Variants in GOLGA2 observed in about 807,000 individuals in gnomAD.
GOLGA2 encodes golgin A2, also known as golgin subfamily A member 2.
A neutral mutation model predicts 148.8 loss-of-function variants in GOLGA2; 49 were observed. The observed-to-expected ratio is 0.33, with a 90% CI of 0.26 to 0.42. The LOEUF (loss-of-function observed/expected upper bound fraction) is 0.42, where lower values mean the gene tolerates loss of function less well. Among genes scored for constraint, GOLGA2 ranks in the 10% least tolerant of loss-of-function variants. The probability of loss-of-function intolerance (pLI) is 1.00; values close to 1 mark genes in which losing one functional copy is unlikely to be tolerated. For missense variants in GOLGA2, 1,178 were observed against 1,304.6 expected (o/e 0.90, Z 1.49); for synonymous variants, 501 against 511.8 (o/e 0.98, Z 0.28).
At chr9:128,270,821 G>T (rs1054241368) in intron 3 of GOLGA2, among the ~76,000 whole-genome samples, 3 of 152,116 alleles carry the variant, frequency 2.0e-5, no homozygotes, top group Admixed American at 6.6e-5. Context: ...CAAGGCAGGT[G>T]AATCACTTGA....
rs771768653 is a variant in GOLGA2, at chr9:128,256,372, G to A, written c.*695C>T. On this transcript the variant is annotated 3_prime_UTR_variant, in exon 27 of 27. Coordinates refer to ENST00000611957, the MANE Select transcript of GOLGA2 (RefSeq NM_001366244.2). ...ACAGGGGTCTTATTTGCTACTGTAAGAGTAAAGGGATGACTGGGAAGGGGT... is the reference window on the plus strand; with the variant it reads ...ACAGGGGTCTTATTTGCTACTGTAAAAGTAAAGGGATGACTGGGAAGGGGT... The A allele has an allele frequency of 7.2e-5, 11 of 152,442 alleles. No individual in the cohort carries two copies. Among genetic ancestry groups the A allele is most frequent in the Non-Finnish European group, 1.5e-4 (10 of 68,168 alleles). 9.4% of individuals were successfully genotyped at this position (152,442 alleles called of 1,614,324 possible).
At chr9:128,269,371 C>T (rs1170761948) in intron 3 of GOLGA2, among the ~76,000 whole-genome samples, 3 of 152,102 alleles carry the variant, frequency 2.0e-5, no homozygotes, top group African/African-American at 4.8e-5. Context: ...ACCCCCACCC[C>T]GACCTCTTAC....
chr9:128,273,700 G>T lies in GOLGA2; in HGVS notation c.207+150C>A. On this transcript the variant is annotated intron_variant, in intron 2 of 26. Coordinates refer to ENST00000611957, the MANE Select transcript of GOLGA2 (RefSeq NM_001366244.2). ...GAGGCCCAAAAAGCTCAAGCAATTT[G>T]CCCTAAATCACATCCCTAGCAGATG... 4.2e-6 allele frequency: 4 copies of T among 948,400 alleles called. No homozygotes were observed. In the South Asian group the frequency reaches 6.9e-5, roughly 16 times the overall value. 58.7% of individuals were successfully genotyped at this position (948,400 alleles called of 1,614,324 possible).
At position 128,256,404 on chromosome 9, in the gene GOLGA2, C is replaced by G. The variant is rs2006280; in HGVS notation, c.*663G>C. On this transcript the variant is annotated 3_prime_UTR_variant, in exon 27 of 27. Coordinates refer to ENST00000611957, the MANE Select transcript of GOLGA2 (RefSeq NM_001366244.2). Reference sequence around the variant, plus strand: ...GGGATGACTGGGAAGGGGTGGCAGGCACATGATGGGGGCGGAGCCTCCGGC... The same window carrying G: ...GGGATGACTGGGAAGGGGTGGCAGGGACATGATGGGGGCGGAGCCTCCGGC... 10,152 of 152,480 alleles carry G rather than the reference C, an allele frequency of 0.067. 472 individuals are homozygous for G. Among genetic ancestry groups the G allele is most frequent in the East Asian group, 0.21 (1,064 of 5,174 alleles). The allele number at this position is 152,480 out of a possible 1,614,324, so 9.4% of individuals were successfully genotyped here.
At chr9:128,267,076 C>T (rs1830635985) in intron 8 of GOLGA2, 118 bp downstream of exon 8, 2 of 779,658 alleles carry the variant, frequency 2.6e-6, no homozygotes, top group Non-Finnish European at 4.7e-6. Flanking sequence ...CCTGGGCCCC[C>T]CAGCTCCCCA....
At chr9:128,273,999 C>A (rs1034664365) in intron 1 of GOLGA2, 27 bp from the exon 2 acceptor site, 1 of 1,605,008 alleles carries the variant, frequency 6.2e-7, no homozygotes, top group Non-Finnish European at 8.5e-7. Flanking sequence ...CAATAATATT[C>A]ATGAGATCTA....
chr9:128,274,049 A>G (rs1831142994), intron 1 of GOLGA2, 77 bp from the exon 2 acceptor site: 2 of 1,403,098 alleles, frequency 1.4e-6, no homozygotes, highest in African/African-American at 1.4e-5. Context: ...AATTTTTCCA[A>G]AATACTCTTA....
chr9:128,270,405 T>C lies in GOLGA2; in HGVS notation c.289-1881A>G, dbSNP rs571760801. Among the ~76,000 whole-genome samples, 24 of 152,298 alleles carry C rather than the reference T, an allele frequency of 1.6e-4. 1 individual carries two copies. The South Asian group carries it at 5.0e-3, about 32-fold the overall frequency. Reference sequence around the variant, plus strand: ...CCTCAGTCTCCCAAAGTGCTGGGATTACAGGCATGAGCTACTGCACTTGGC... The same window carrying C: ...CCTCAGTCTCCCAAAGTGCTGGGATCACAGGCATGAGCTACTGCACTTGGC... On this transcript the variant is annotated intron_variant, in intron 3 of 26. Transcript: ENST00000611957.
At chr9:128,274,646 A>T (rs1213019470) in intron 1 of GOLGA2, among the ~76,000 whole-genome samples, 1 of 152,222 alleles carries the variant, frequency 6.6e-6, no homozygotes, top group African/African-American at 2.4e-5. Flanking sequence ...TTTTACATCA[A>T]TGTATCCACA....
Position 128,265,844 on chromosome 9 carries a change from T to G in GOLGA2, c.770A>C (p.Lys257Thr). ...AGCCAGGGCTGTCTGTAACTCAGCT[T>G]TCTCTGATACGAGGATCCCTATGGT... The part of the protein sequence containing the change: ...IQTIGILVSE[K>T]AELQTALAHT... Residue 257 changes from lysine (K) to threonine (T), a missense_variant, in exon 11 of 27, where the codon AAA becomes ACA. Physicochemically the swap from Lys to Thr is moderately conservative, Grantham distance 78 (BLOSUM62 -1). This residue lies in a region of GOLGA2 where 304 missense variants were observed against 404.1 expected (regional missense o/e 0.75). Transcript: ENST00000611957. 6.2e-7 allele frequency: 1 copy of G among 1,613,958 alleles called. No homozygotes were observed.
chr9:128,268,679 C>T (rs78831587), intron 3 of GOLGA2, among the ~76,000 whole-genome samples, 155 bp from the exon 4 acceptor site: 1 of 152,130 alleles, frequency 6.6e-6, no homozygotes, highest in African/African-American at 2.4e-5. Context: ...GATTGGTTGC[C>T]CAGGCCTTGG....
In GOLGA2 at chr9:128,260,093, TCAGCTTCTCCTGCAGCTCGCC is replaced by T; in HGVS notation, c.1834_1854del (p.Gly612_Leu618del). 2.5e-6 allele frequency: 4 copies of T among 1,609,794 alleles called. No individual in the cohort carries two copies. The highest frequency in any genetic ancestry group is 1.3e-5 in the African/African-American group (1 of 74,900). On this transcript the variant is annotated inframe_deletion, in exon 19 of 27. Coordinates refer to ENST00000611957, the MANE Select transcript of GOLGA2 (RefSeq NM_001366244.2). This position sits in a 1 kb window ranked among gnomAD's most constrained non-coding sequence, Gnocchi z 4.8. ...GGGGTTACCGTTTCCTTCAGCTCGC[TCAGCTTCTCCTGCAGCTCGCC>T]CAGCTTCTTTCCCAGCTCCCTCTTG...
Position 128,266,048 on chromosome 9 carries a change from A to T in GOLGA2, c.682-28T>A. On this transcript the variant is annotated intron_variant, in intron 9 of 26. Transcript: ENST00000611957. This position sits in a 1 kb window ranked among gnomAD's most constrained non-coding sequence, Gnocchi z 4.2. ...ATAGGAAGAGGAAGACAGAGCTCTT[A>T]CGAGGGGGAGGCAGAGACGGCACAG... 1 of 1,593,686 alleles carries T rather than the reference A, an allele frequency of 6.3e-7. No homozygotes were observed. Among genetic ancestry groups the T allele is most frequent in the Non-Finnish European group, 8.6e-7 (1 of 1,161,396 alleles).
In GOLGA2 at chr9:128,275,360, C is replaced by T. The variant is rs938466377; in HGVS notation, c.84+533G>A. 5.5e-6 allele frequency: 7 copies of T among 1,261,578 alleles called. No homozygotes were observed. The African/African-American group carries it at 1.1e-4, about 20-fold the overall frequency. The allele number at this position is 1,261,578 out of a possible 1,614,324, so 78.1% of individuals were successfully genotyped here. ...AGGGGGATTGTGACGTCACTACATT[C>T]CACTCCTAGGGGGAACATCAGCGCG... On this transcript the variant is annotated intron_variant, in intron 1 of 26. Transcript: ENST00000611957.
Position 128,266,809 on chromosome 9 carries a change from C to A in GOLGA2, c.642+385G>T, listed in dbSNP as rs1407349876. On this transcript the variant is annotated intron_variant, in intron 8 of 26. Coordinates refer to ENST00000611957, the MANE Select transcript of GOLGA2 (RefSeq NM_001366244.2). This position sits in a 1 kb window ranked among gnomAD's most constrained non-coding sequence, Gnocchi z 4.2. ...AGACCTTTGATACTCTCTAACTCTACCTCCTCAGGAAATGCAAGCCCAAGG... is the reference window on the plus strand; with the variant it reads ...AGACCTTTGATACTCTCTAACTCTAACTCCTCAGGAAATGCAAGCCCAAGG... 4 of 374,652 alleles carry A rather than the reference C, an allele frequency of 1.1e-5. No homozygotes were observed. The allele number at this position is 374,652 out of a possible 1,614,324, so 23.2% of individuals were successfully genotyped here. A position where few individuals can be genotyped will look rare whatever the true frequency, so the allele number is the denominator to read the frequency against.
Position 128,263,518 on chromosome 9 carries a change from T to C in GOLGA2, c.934-426A>G, listed in dbSNP as rs552383998. Among the ~76,000 whole-genome samples, 65 of 152,082 alleles carry C rather than the reference T, an allele frequency of 4.3e-4. 1 individual carries two copies. Among genetic ancestry groups the C allele is most frequent in the South Asian group, 3.3e-3 (16 of 4,804 alleles). ...CTGCAAGCTCCGCCTCCCGGGTTCATGCCATTCTCCTGCTTCAGCCTCCTA... is the reference window on the plus strand; with the variant it reads ...CTGCAAGCTCCGCCTCCCGGGTTCACGCCATTCTCCTGCTTCAGCCTCCTA... On this transcript the variant is annotated intron_variant, in intron 12 of 26. Transcript: ENST00000611957.
chr9:128,270,900 T>A (rs555079283), intron 3 of GOLGA2, among the ~76,000 whole-genome samples: 40 of 150,744 alleles, frequency 2.7e-4, no homozygotes, highest in Non-Finnish European at 5.0e-4. Context: ...ACAAAAAAAA[T>A]GGCCGGGCGT....
intron 3 of GOLGA2, among the ~76,000 whole-genome samples, chr9:128,272,052 A>C (rs536896464): frequency 2.6e-4 from 40 of 151,726 alleles, no homozygotes; most frequent in African/African-American, 6.0e-4. Context: ...AAAAAAAAAA[A>C]AAAACACTAA....
chr9:128,270,200 C>G (rs540968353), intron 3 of GOLGA2, among the ~76,000 whole-genome samples: 2 of 141,284 alleles, frequency 1.4e-5, no homozygotes, highest in East Asian at 4.3e-4. Flanking sequence ...GTGGCGAGAT[C>G]TCCACTCACT....
Sources: allele counts gnomAD v4.1 joint callset (sites outside exome capture counted in the v4.1 genomes callset), GRCh38; gene constraint gnomAD v4.1.1; regional missense constraint gnomAD v4.1.1; non-coding constraint Gnocchi (gnomAD v3.1); transcripts MANE v1.5; gene names NCBI Gene and HGNC (gene_info 2026-07-23, HGNC 2026-07-21).